The following CNTN6 variants were observed in gnomAD, a reference collection of about 807,000 sequenced individuals.
CNTN6 encodes contactin-6.
A neutral mutation model predicts 122.8 loss-of-function variants in CNTN6; 137 were observed. The ratio of observed to expected loss-of-function variants is 1.12; its 90% CI spans 0.97 to 1.29. CNTN6 has a LOEUF of 1.29. Ranked by LOEUF, CNTN6 falls within the 50% of genes most tolerant of loss-of-function variation. The pLI is 0.00. For synonymous variants in CNTN6, 570 were observed against 426.0 expected (o/e 1.34, Z -4.16); for missense variants, 1,634 against 1,223.4 (o/e 1.34, Z -5.01).
At chr3:1,119,636 G>C (rs1283111509) in intron 1 of CNTN6, among the ~76,000 whole-genome samples, 2 of 150,834 alleles carry the variant, frequency 1.3e-5, no homozygotes, top group African/African-American at 4.9e-5. Context: ...AGATAAGCAT[G>C]GCTTTTTCCT....
chr3:1,281,249 T>C (rs1341572687), intron 5 of CNTN6, among the ~76,000 whole-genome samples: 1 of 152,108 alleles, frequency 6.6e-6, no homozygotes, highest in Non-Finnish European at 1.5e-5. Context: ...ATTTCCAATC[T>C]CCCTAAAGGC....
rs182153534 is a variant in CNTN6, at chr3:1,095,217, A to G, written c.-83+2097A>G. Among the ~76,000 whole-genome samples, 51 of 152,252 alleles carry G rather than the reference A, an allele frequency of 3.3e-4. 1 individual carries two copies. In the East Asian group the frequency reaches 8.7e-3, roughly 26 times the overall value. On this transcript the variant is annotated intron_variant, in intron 1 of 22. Coordinates refer to ENST00000446702, the MANE Select transcript of CNTN6 (RefSeq NM_001289080.2). Reference sequence around the variant, plus strand: ...GCCGCGCGCGGTGGTTCACACCTATAATCCCAGCACTTTGGGAGGCCGAGG... The same window carrying G: ...GCCGCGCGCGGTGGTTCACACCTATGATCCCAGCACTTTGGGAGGCCGAGG...
intron 1 of CNTN6, among the ~76,000 whole-genome samples, chr3:1,107,418 A>C (rs1574866920): frequency 2.0e-5 from 3 of 152,140 alleles, no homozygotes. Flanking sequence ...TGGCAAATCC[A>C]AGAGCATTCA....
chr3:1,145,629 CAA>C (rs1342828905), intron 1 of CNTN6, among the ~76,000 whole-genome samples: 1 of 152,078 alleles, frequency 6.6e-6, no homozygotes, highest in Non-Finnish European at 1.5e-5. Context: ...CCAGTGAAAA[CAA>C]AGATTTATGG....
intron 4 of CNTN6, among the ~76,000 whole-genome samples, chr3:1,265,027 A>G (rs1435705644): frequency 6.9e-6 from 1 of 145,742 alleles, no homozygotes; most frequent in Non-Finnish European, 1.5e-5. Flanking sequence ...CCATGTTGCC[A>G]CAAATGACCG....
intron 11 of CNTN6, among the ~76,000 whole-genome samples, chr3:1,341,907 G>A (rs1703948721): frequency 6.6e-6 from 1 of 152,090 alleles, no homozygotes; most frequent in African/African-American, 2.4e-5. Context: ...AAATTAAAAT[G>A]TATTTGAGTC....
At chr3:1,160,380 T>TATGGTC (rs1379266835) in intron 2 of CNTN6, among the ~76,000 whole-genome samples, 16 of 97,650 alleles carry the variant, frequency 1.6e-4, no homozygotes, top group Admixed American at 1.1e-3. Flanking sequence ...ACACTACCTA[T>TATGGTC]ATGGTCATTT....
At chr3:1,312,442 G>A (rs940262108) in intron 7 of CNTN6, among the ~76,000 whole-genome samples, 1 of 151,982 alleles carries the variant, frequency 6.6e-6, no homozygotes, top group African/African-American at 2.4e-5. Flanking sequence ...GTTTACAGTA[G>A]AGAAGGATTT....
At chr3:1,247,283 C>G (rs965213467) in intron 4 of CNTN6, among the ~76,000 whole-genome samples, 3 of 152,052 alleles carry the variant, frequency 2.0e-5, no homozygotes, top group African/African-American at 4.8e-5. Context: ...CTTTGCTGTT[C>G]TACAGTGCCA....
At chr3:1,392,283 C>A (rs1232442344) in intron 20 of CNTN6, among the ~76,000 whole-genome samples, 2 of 152,208 alleles carry the variant, frequency 1.3e-5, no homozygotes, top group African/African-American at 4.8e-5. Context: ...TTTGACAAAC[C>A]TGAGAAAAAC....
Position 1,326,528 on chromosome 3 carries a change from C to A in CNTN6, c.1083+577C>A, listed in dbSNP as rs368288144. On this transcript the variant is annotated intron_variant, in intron 9 of 22. Transcript: ENST00000446702. ...TGCTTTTATGAACACTGACGACTGT[C>A]TTTAAACCCCTAGGAAAGTAAATAA... is the stretch of plus-strand genomic sequence containing the variant. Among the ~76,000 whole-genome samples, 6 of 151,832 alleles carry A rather than the reference C, an allele frequency of 4.0e-5. No individual in the cohort carries two copies. The East Asian group carries it at 7.8e-4, about 20-fold the overall frequency.
At chr3:1,115,098 C>T (rs1271891363) in intron 1 of CNTN6, among the ~76,000 whole-genome samples, 1 of 152,088 alleles carries the variant, frequency 6.6e-6, no homozygotes, top group Non-Finnish European at 1.5e-5. Context: ...TAGCAGAAAG[C>T]TGGGAGTTTA....
chr3:1,169,325 G>T (rs1453568759), intron 2 of CNTN6, among the ~76,000 whole-genome samples: 1 of 152,148 alleles, frequency 6.6e-6, no homozygotes, highest in Non-Finnish European at 1.5e-5. Context: ...GTCAGGTGTG[G>T]GGAAGGAGGG....
chr3:1,154,818 C>G lies in CNTN6; in HGVS notation c.55+6755C>G, dbSNP rs183061470. Among the ~76,000 whole-genome samples, 245 of 152,318 alleles carry G rather than the reference C, an allele frequency of 1.6e-3. 2 individuals are homozygous for G. The highest frequency in any genetic ancestry group is 5.2e-3 in the African/African-American group (218 of 41,576). ...AAAATCAAACTCCTTGCCATTCCAT[C>G]AAGTCACGAAACAATCTGGCTTCTT... On this transcript the variant is annotated intron_variant, in intron 2 of 22. Coordinates refer to ENST00000446702, the MANE Select transcript of CNTN6 (RefSeq NM_001289080.2).
At chr3:1,394,478 G>C (rs1560031618) in intron 20 of CNTN6, 1 of 156,458 alleles carries the variant, frequency 6.4e-6, no homozygotes, top group Admixed American at 6.5e-5. Flanking sequence ...CAGTGCCGAG[G>C]AAGGGGCTTC....
chr3:1,293,574 G>A (rs536426057), intron 5 of CNTN6, among the ~76,000 whole-genome samples: 13 of 152,162 alleles, frequency 8.5e-5, no homozygotes, highest in South Asian at 8.3e-4. Context: ...TCTTGCTTCC[G>A]TGCCAGTTTT....
At chr3:1,188,047 TA>T (rs1470826026) in intron 2 of CNTN6, among the ~76,000 whole-genome samples, 1 of 152,180 alleles carries the variant, frequency 6.6e-6, no homozygotes. Context: ...TTTTTCTATT[TA>T]AATGCCATTT....
At chr3:1,200,676 T>C (rs1046186353) in intron 2 of CNTN6, among the ~76,000 whole-genome samples, 3 of 152,162 alleles carry the variant, frequency 2.0e-5, no homozygotes, top group Non-Finnish European at 4.4e-5. Context: ...GTTTTCCAAA[T>C]TGTAAATGTG....
chr3:1,202,422 C>A (rs1188143777), intron 2 of CNTN6, among the ~76,000 whole-genome samples: 1 of 151,918 alleles, frequency 6.6e-6, no homozygotes, highest in African/African-American at 2.4e-5. Flanking sequence ...CGCCTGTAGT[C>A]CCAGCTACTC....
Sources: gnomAD v4.1 joint callset for allele counts (sites outside exome capture counted in the v4.1 genomes callset) on GRCh38, gnomAD v4.1.1 for gene constraint, MANE v1.5 for transcripts, NCBI Gene and HGNC (gene_info 2026-07-23, HGNC 2026-07-21) for gene names.